Variants in RARB observed in about 807,000 individuals in gnomAD.
RARB encodes the protein retinoic acid receptor beta, also known as HBV-activated protein.
A neutral mutation model predicts 51.9 loss-of-function variants in RARB; 17 were observed. The ratio of observed to expected loss-of-function variants is 0.33; its 90% CI spans 0.22 to 0.49. The LOEUF (loss-of-function observed/expected upper bound fraction) is 0.49, where lower values mean the gene tolerates loss of function less well. Ranked by LOEUF, RARB falls within the 20% of genes least tolerant of loss-of-function variation. RARB has a pLI of 0.99. For synonymous variants in RARB, 215 were observed against 195.4 expected, an observed-to-expected ratio of 1.10 and a Z score of -0.84; for missense variants, 369 against 550.8, an observed-to-expected ratio of 0.67 and a Z score of 3.30.
chr3:25,126,090 T>A (rs74568341), intron 3 of RARB, among the ~76,000 whole-genome samples: 1 of 152,280 alleles, frequency 6.6e-6, no homozygotes, highest in African/African-American at 2.4e-5. Context: ...TTATTAAAAT[T>A]TTTTGCTGCT....
chr3:25,003,198 A>AAAAAAAC (rs1269158469), intron 2 of RARB, among the ~76,000 whole-genome samples: 7 of 151,812 alleles, frequency 4.6e-5, no homozygotes, highest in African/African-American at 1.7e-4. Context: ...ATAATGCAAA[A>AAAAAAAC]AAAAAAAAAA....
In RARB at chr3:25,013,764, G is replaced by T. The variant is rs80253447; in HGVS notation, c.-379-46361G>T. On this transcript the variant is annotated intron_variant, in intron 2 of 11. Transcript: ENST00000383772. ...GCTGGTCAGAAAGGTCTCCCACACC[G>T]GGCTTCAAGGCTCAAGGGTAGACTG... is the stretch of plus-strand genomic sequence containing the variant. 1.2e-3 allele frequency among the ~76,000 whole-genome samples: 183 copies of T among 152,154 alleles called. 6 individuals carry two copies. The East Asian group carries it at 0.031, about 26-fold the overall frequency.
chr3:25,571,070 G>A (rs1262402101), intron 4 of RARB, among the ~76,000 whole-genome samples: 1 of 152,146 alleles, frequency 6.6e-6, no homozygotes, highest in African/African-American at 2.4e-5. Context: ...CCAGAGGGGC[G>A]CCCATGGAAT....
intron 5 of RARB, among the ~76,000 whole-genome samples, chr3:25,584,521 G>A (rs537618357): frequency 6.6e-6 from 1 of 152,246 alleles, no homozygotes; most frequent in South Asian, 2.1e-4. Context: ...CTGATGGGAG[G>A]GGTGTGTGAG....
intron 2 of RARB, among the ~76,000 whole-genome samples, chr3:24,950,745 A>AAG (rs1204215038): frequency 6.6e-6 from 1 of 151,948 alleles, no homozygotes; most frequent in Admixed American, 6.5e-5. Flanking sequence ...TGGCAAGAGA[A>AAG]AGAGAGGATA....
intron 4 of RARB, among the ~76,000 whole-genome samples, chr3:25,158,092 G>T (rs550053410): frequency 6.6e-6 from 1 of 152,158 alleles, no homozygotes; most frequent in South Asian, 2.1e-4. Context: ...CATAATTTCC[G>T]ACCCAAACAC....
intron 5 of RARB, among the ~76,000 whole-genome samples, chr3:25,417,855 A>C (rs1027129742): frequency 5.9e-5 from 9 of 152,232 alleles, no homozygotes; most frequent in African/African-American, 2.2e-4. Flanking sequence ...ATAGAAGTGT[A>C]CATCTCTCTC....
intron 5 of RARB, among the ~76,000 whole-genome samples, chr3:25,584,185 C>T (rs895811429): frequency 4.6e-5 from 7 of 152,122 alleles, no homozygotes; most frequent in East Asian, 1.9e-4. Context: ...TTCTTCCTTC[C>T]GCAAATATCT....
intron 5 of RARB, among the ~76,000 whole-genome samples, chr3:25,201,140 C>T (rs1215535988): frequency 6.6e-6 from 1 of 152,092 alleles, no homozygotes; most frequent in African/African-American, 2.4e-5. Context: ...TGAAGAGTTC[C>T]TTCACATCCC....
intron 4 of RARB, among the ~76,000 whole-genome samples, chr3:25,134,303 GGCA>G (rs1247225047): frequency 6.6e-6 from 1 of 151,904 alleles, no homozygotes; most frequent in Non-Finnish European, 1.5e-5. Flanking sequence ...GTTCTTAAAT[GGCA>G]CATAGGATAT....
chr3:25,356,431 A>G (rs1705736438), intron 5 of RARB, among the ~76,000 whole-genome samples: 1 of 152,192 alleles, frequency 6.6e-6, no homozygotes, highest in Non-Finnish European at 1.5e-5. Context: ...CTAAAGGGAA[A>G]TTCTGCTTGA....
chr3:25,372,854 T>TGGA (rs1706342339), intron 5 of RARB, among the ~76,000 whole-genome samples: 2 of 152,098 alleles, frequency 1.3e-5, no homozygotes, highest in Admixed American at 6.6e-5. Context: ...AAACGTAAAC[T>TGGA]TAAAAAATTT....
At chr3:25,429,940 A>G (rs1708137457) in intron 1 of RARB, among the ~76,000 whole-genome samples, 2 of 152,254 alleles carry the variant, frequency 1.3e-5, no homozygotes, top group South Asian at 4.1e-4. Flanking sequence ...CTTTGTTTTC[A>G]AAGAGGTCAA....
At chr3:25,143,259 C>T (rs566087998) in intron 4 of RARB, among the ~76,000 whole-genome samples, 2 of 152,286 alleles carry the variant, frequency 1.3e-5, no homozygotes, top group South Asian at 2.1e-4. Flanking sequence ...CAAGAGGCAG[C>T]TACTAAGCTT....
chr3:25,325,721 T>A (rs1478946422), intron 5 of RARB, among the ~76,000 whole-genome samples: 1 of 151,014 alleles, frequency 6.6e-6, no homozygotes, highest in Non-Finnish European at 1.5e-5. Flanking sequence ...CACTGGTTCT[T>A]CTCCCTTTTT....
intron 5 of RARB, among the ~76,000 whole-genome samples, chr3:25,584,512 T>C (rs1033748778): frequency 1.3e-5 from 2 of 151,946 alleles, no homozygotes; most frequent in Non-Finnish European, 2.9e-5. Context: ...GAAAAGACAC[T>C]GATGGGAGGG....
At position 25,172,877 on chromosome 3, in the gene RARB, CTAT is replaced by C. The variant is rs1439626338; in HGVS notation, c.-279-1237_-279-1235del. Among the ~76,000 whole-genome samples, 7 of 152,164 alleles carry C rather than the reference CTAT, an allele frequency of 4.6e-5. No homozygotes were observed. The East Asian group carries it at 1.2e-3, about 25-fold the overall frequency. On this transcript the variant is annotated intron_variant, in intron 4 of 11. Coordinates refer to the RARB transcript ENST00000383772. ...TCACAATACCATTCTGAAGTAAATT[CTAT>C]TATTCTTATTTTACAGGAAAAAAAA... is the stretch of plus-strand genomic sequence containing the variant.
intron 1 of RARB, among the ~76,000 whole-genome samples, chr3:25,455,879 A>G (rs1694880203): frequency 6.6e-6 from 1 of 152,366 alleles, no homozygotes. Context: ...AAGGAAATAA[A>G]TAAAAGCAGG....
chr3:25,206,483 T>C (rs530483446), intron 5 of RARB, among the ~76,000 whole-genome samples: 18 of 152,302 alleles, frequency 1.2e-4, no homozygotes, highest in East Asian at 3.9e-4. Flanking sequence ...ACTGAAGATA[T>C]AGTTCCAACT....
Sources: gnomAD v4.1 joint callset for allele counts (sites outside exome capture counted in the v4.1 genomes callset) on GRCh38, gnomAD v4.1.1 for gene constraint, MANE v1.5 for transcripts, NCBI Gene and HGNC (gene_info 2026-07-23, HGNC 2026-07-21) for gene names.